The following SRFBP1 variants were observed in gnomAD, a reference collection of about 807,000 sequenced individuals.
SRFBP1 encodes serum response factor binding protein 1, also known as serum response factor-binding protein 1.
SRFBP1 carries 47 observed loss-of-function variants against 45.5 expected under a neutral mutation model. The observed-to-expected ratio is 1.03, with a 90% confidence interval of 0.82 to 1.32. The LOEUF (loss-of-function observed/expected upper bound fraction) is 1.32. Among genes scored for constraint, SRFBP1 ranks in the 40% most tolerant of loss-of-function variants. The probability of loss-of-function intolerance (pLI) is 0.00; values close to 1 mark genes in which losing one functional copy is unlikely to be tolerated. For missense variants in SRFBP1, 621 were observed against 484.6 expected (o/e 1.28, Z -2.64); for synonymous variants, 203 against 166.3 (o/e 1.22, Z -1.70).
intron 4 of SRFBP1, 134 bp from the exon 5 acceptor site, chr5:122,019,126 A>G: frequency 1.4e-6 from 1 of 723,262 alleles, no homozygotes; most frequent in Non-Finnish European, 2.3e-6. Flanking sequence ...CAGATATCTT[A>G]TCTAAGGAGA....
intron 3 of SRFBP1, among the ~76,000 whole-genome samples, chr5:121,989,211 G>C (rs772945456): frequency 6.6e-6 from 1 of 151,870 alleles, no homozygotes; most frequent in South Asian, 2.1e-4. Flanking sequence ...TTACAGGCAC[G>C]TGCCACTACA....
At chr5:122,070,996 C>T (rs1378683095) in intron 2 of SRFBP1, among the ~76,000 whole-genome samples, 2 of 152,126 alleles carry the variant, frequency 1.3e-5, no homozygotes, top group Admixed American at 6.5e-5. Flanking sequence ...CCTTCTTGTG[C>T]TTTGAACGTC....
At chr5:121,982,206 T>C (rs537501765) in intron 3 of SRFBP1, among the ~76,000 whole-genome samples, 1 of 152,082 alleles carries the variant, frequency 6.6e-6, no homozygotes, top group Admixed American at 6.6e-5. Flanking sequence ...CTTTTGTTTC[T>C]AAAAGAGCAA....
chr5:121,962,126 G>C (rs543835011), intron 1 of SRFBP1, 58 bp downstream of exon 1: 1 of 1,606,068 alleles, frequency 6.2e-7, no homozygotes, highest in Non-Finnish European at 8.5e-7. Context: ...CAGCTCTTTT[G>C]AGACGCGTGG....
chr5:122,008,429 TC>T (rs976596462), intron 4 of SRFBP1, among the ~76,000 whole-genome samples: 3 of 152,062 alleles, frequency 2.0e-5, no homozygotes, highest in Admixed American at 2.0e-4. Flanking sequence ...TGTTTTGGGT[TC>T]CCAGGCAAAG....
chr5:122,078,781 A>T (rs1420892377), downstream of SRFBP1, among the ~76,000 whole-genome samples: 2 of 152,230 alleles, frequency 1.3e-5, no homozygotes, highest in African/African-American at 4.8e-5. Context: ...AAACCCCAGG[A>T]TATCAAATTT....
chr5:121,973,188 G>T (rs945484504), intron 1 of SRFBP1, among the ~76,000 whole-genome samples: 1 of 151,648 alleles, frequency 6.6e-6, no homozygotes, highest in Admixed American at 6.6e-5. Flanking sequence ...CTAGGAGCTT[G>T]CTGTCTATAG....
chr5:122,066,947 G>C (rs2067538613), intron 2 of SRFBP1, among the ~76,000 whole-genome samples: 1 of 152,084 alleles, frequency 6.6e-6, no homozygotes, highest in African/African-American at 2.4e-5. Context: ...GTCAACAGCA[G>C]AGATGCCTGA....
At chr5:122,018,828 C>G (rs868049390) in intron 4 of SRFBP1, among the ~76,000 whole-genome samples, 6 of 152,274 alleles carry the variant, frequency 3.9e-5, no homozygotes, top group Middle Eastern at 3.4e-3. Flanking sequence ...TTCTAGGTCT[C>G]TGTTAAATGG....
chr5:122,060,413 C>T (rs1754152468), intron 2 of SRFBP1, among the ~76,000 whole-genome samples: 1 of 152,016 alleles, frequency 6.6e-6, no homozygotes, highest in African/African-American at 2.4e-5. Flanking sequence ...TCCACTTTCC[C>T]ATCACACCCA....
intron 7 of SRFBP1, among the ~76,000 whole-genome samples, chr5:122,024,923 A>T (rs1489736735): frequency 6.6e-6 from 1 of 152,334 alleles, no homozygotes; most frequent in South Asian, 2.1e-4. Flanking sequence ...CTCAGTTTTT[A>T]TGAAACAGGT....
chr5:121,993,366 AAG>A (rs1191367852), intron 3 of SRFBP1, among the ~76,000 whole-genome samples: 1 of 152,160 alleles, frequency 6.6e-6, no homozygotes, highest in Non-Finnish European at 1.5e-5. Flanking sequence ...TCATACCTAG[AAG>A]ATTCTGATGG....
intron 3 of SRFBP1, among the ~76,000 whole-genome samples, chr5:121,987,237 A>C (rs1752536191): frequency 1.3e-5 from 2 of 152,134 alleles, no homozygotes; most frequent in Non-Finnish European, 2.9e-5. Flanking sequence ...AGCATAACAG[A>C]AGCATAGTGA....
chr5:121,998,953 T>A (rs1290335011), intron 4 of SRFBP1, among the ~76,000 whole-genome samples: 1 of 152,130 alleles, frequency 6.6e-6, no homozygotes, highest in Non-Finnish European at 1.5e-5. Flanking sequence ...GAGAACAGAT[T>A]TTGTATTAAT....
At chr5:122,007,520 G>A (rs994425950) in intron 4 of SRFBP1, among the ~76,000 whole-genome samples, 6 of 151,992 alleles carry the variant, frequency 3.9e-5, no homozygotes, top group South Asian at 2.1e-4. Flanking sequence ...CTGGAGCCTC[G>A]GTCTGTTGGT....
At chr5:122,047,083 G>A (rs569924810) in intron 2 of SRFBP1, among the ~76,000 whole-genome samples, 1 of 152,232 alleles carries the variant, frequency 6.6e-6, no homozygotes, top group South Asian at 2.1e-4. Flanking sequence ...GGCTTTTGTT[G>A]CCATTGCTTT....
chr5:122,077,402 G>A (rs1754669532), downstream of SRFBP1: 1 of 1,614,102 alleles, frequency 6.2e-7, no homozygotes, highest in Non-Finnish European at 8.5e-7. The surrounding 1 kb of genome is among the most constrained non-coding windows in gnomAD (Gnocchi z 4.9). Flanking sequence ...CCTGCCCCCA[G>A]GTCTGGGCCT....
chr5:121,965,350 T>G (rs910097263), intron 1 of SRFBP1, among the ~76,000 whole-genome samples: 4 of 152,250 alleles, frequency 2.6e-5, no homozygotes, highest in African/African-American at 9.6e-5. Context: ...TTAATCCATC[T>G]TGAGTTAATT....
intron 3 of SRFBP1, among the ~76,000 whole-genome samples, chr5:121,991,506 T>G (rs1212583950): frequency 1.3e-5 from 2 of 152,164 alleles, no homozygotes; most frequent in Admixed American, 1.3e-4. Flanking sequence ...TGTGAAATTT[T>G]CTGTAATCTT....
Sources: gnomAD v4.1 joint callset for allele counts (sites outside exome capture counted in the v4.1 genomes callset) on GRCh38, gnomAD v4.1.1 for gene constraint, Gnocchi (gnomAD v3.1) non-coding constraint, MANE v1.5 for transcripts, NCBI Gene and HGNC (gene_info 2026-07-23, HGNC 2026-07-21) for gene names.